The following TMC3 variants were observed in gnomAD, a reference collection of about 807,000 sequenced individuals.
TMC3 encodes transmembrane channel-like protein 3.
Under a neutral mutation model 110.6 loss-of-function variants are expected in TMC3, and 98 were observed. That is an observed-to-expected ratio of 0.89 (90% confidence interval 0.75 to 1.05). TMC3 has a LOEUF of 1.05. Ranked by LOEUF, TMC3 falls within the 50% of genes least tolerant of loss-of-function variation. TMC3 has a pLI of 0.00. For synonymous variants in TMC3, 489 were observed against 513.1 expected (o/e 0.95, Z 0.63); for missense variants, 1,319 against 1,373.2 (o/e 0.96, Z 0.62).
intron 11 of TMC3, among the ~76,000 whole-genome samples, chr15:81,347,088 C>T (rs1474331474): frequency 6.6e-6 from 1 of 152,166 alleles, no homozygotes; most frequent in African/African-American, 2.4e-5. Context: ...ATGTCAGTTT[C>T]CCTAGTGCTG....
rs1454534262 is a variant in TMC3, at chr15:81,333,017, T to C, written c.2705A>G (p.Asn902Ser). Residue 902 changes from asparagine to serine, a missense_variant, in exon 22 of 22, where the codon AAT (asparagine) becomes AGT (serine). Transcript: ENST00000359440. The stretch of plus-strand genomic sequence containing the variant: ...CTTGAAATGTCTTTCTGGCCAGACA[T>C]TTAGATGTTTTTTCTTGTAAGAGTC... ...ECDSYKKKHLNVWPERHFKID... is the reference protein window; with the variant it reads ...ECDSYKKKHLSVWPERHFKID... 2 of 1,613,806 alleles carry C rather than the reference T, an allele frequency of 1.2e-6. No individual in the cohort carries two copies. The highest frequency in any genetic ancestry group is 1.7e-6 in the Non-Finnish European group (2 of 1,179,858).
At chr15:81,337,609 G>C (rs937725481) in intron 19 of TMC3, 13 of 586,206 alleles carry the variant, frequency 2.2e-5, no homozygotes, top group Non-Finnish European at 3.7e-5. Context: ...CAGCTGCAAG[G>C]CCTCTTGAGG....
At chr15:81,366,505 T>C (rs1274725973) in intron 3 of TMC3, among the ~76,000 whole-genome samples, 1 of 152,218 alleles carries the variant, frequency 6.6e-6, no homozygotes, top group Non-Finnish European at 1.5e-5. Flanking sequence ...CCTTTAATAA[T>C]ACTGAGTTTA....
At chr15:81,362,711 A>G (rs994762156) in intron 3 of TMC3, among the ~76,000 whole-genome samples, 5 of 152,210 alleles carry the variant, frequency 3.3e-5, no homozygotes, top group Non-Finnish European at 5.9e-5. Context: ...CACAAGACAC[A>G]GTACAAATTA....
At position 81,338,728 on chromosome 15, in the gene TMC3, GA is replaced by G; in HGVS notation, c.2007del (p.Pro670LeufsTer38). 1.9e-6 allele frequency: 3 copies of G among 1,613,982 alleles called. No homozygotes were observed. The highest frequency in any genetic ancestry group is 2.5e-6 in the Non-Finnish European group (3 of 1,179,878). Reference sequence around the variant, plus strand: ...CCAACCACGGAGCCAAACCACACAGGAAAGTCTTTCTCAATCGTTTCTGACA... The same window carrying G: ...CCAACCACGGAGCCAAACCACACAGGAAGTCTTTCTCAATCGTTTCTGACA... ...DIVSETIEKDFPVWFGSVVGH... is the reference protein window; with the variant it reads ...DIVSETIEKDXPVWFGSVVGH... On this transcript the variant is annotated frameshift_variant, in exon 18 of 22. Transcript: ENST00000359440. LOFTEE classifies it high-confidence loss of function.
At chr15:81,343,227 C>A in intron 15 of TMC3, 51 bp downstream of exon 15, 1 of 1,189,248 alleles carries the variant, frequency 8.4e-7, no homozygotes, top group Non-Finnish European at 1.3e-6. Context: ...AAATTAAAAT[C>A]TTAGCCCAGA....
Position 81,373,988 on chromosome 15 carries a change from C to CCTGAGCAG in TMC3, c.82_89dup (p.Asn31CysfsTer48), listed in dbSNP as rs1476590330. The CCTGAGCAG allele has an allele frequency of 1.9e-6, 3 of 1,613,268 alleles. No individual in the cohort carries two copies. The highest frequency in any genetic ancestry group is 2.5e-6 in the Non-Finnish European group (3 of 1,179,650). ...CCAGCTGATGAATGGGGCCAGCTCA[C>CCTGAGCAG]CTGAGCAGCAGAGATTCCTGGTAGA... is the stretch of plus-strand genomic sequence containing the variant. On this transcript the variant is annotated frameshift_variant and splice_region_variant. Transcript: ENST00000359440. LOFTEE classifies it high-confidence loss of function.
rs775817538 is a variant in TMC3, at chr15:81,351,764, T to C, written c.1013A>G (p.Tyr338Cys). The C allele has an allele frequency of 2.5e-6, 4 of 1,601,538 alleles. No homozygotes were observed. In the Admixed American group the frequency reaches 6.9e-5, roughly 27 times the overall value. Residue 338 changes from tyrosine to cysteine, a missense_variant, in exon 10 of 22, where the codon TAC (tyrosine) becomes TGC (cysteine). Physicochemically the swap from Tyr to Cys is radical, Grantham distance 194. Transcript: ENST00000359440. ...LSLAGSIYLI[Y>C]FVVDRSQKLE... is the part of the protein sequence containing the mutation. The stretch of plus-strand genomic sequence containing the variant: ...CTTCTGGGACCGGTCCACCACAAAG[T>C]AGATGAGATAAATGCTCCCAGCCAG...
rs759824566 is a variant in TMC3, at chr15:81,349,493, G to T, written c.1158C>A (p.Tyr386Ter). The T allele has an allele frequency of 6.4e-7, 1 of 1,556,410 alleles. No individual in the cohort carries two copies. Among genetic ancestry groups the T allele is most frequent in the Middle Eastern group, 1.7e-4 (1 of 5,874 alleles). Residue 386 changes from tyrosine to a stop codon, truncating the protein, a stop_gained, in exon 11 of 22, where the codon TAC becomes TAA. Transcript: ENST00000359440. LOFTEE classifies it high-confidence loss of function. The stretch of plus-strand genomic sequence containing the variant: ...GGAAGCGCAGCGTGGTCCTGGGGTG[G>T]TACATCTCTAAGGCAGCAATGAGGT... ...AFDLIAALEM[Y>*]HPRTTLRFQL...
At position 81,334,894 on chromosome 15, in the gene TMC3, G is replaced by C; in HGVS notation, c.2285C>G (p.Ser762Trp). 1 of 1,614,042 alleles carries C rather than the reference G, an allele frequency of 6.2e-7. No homozygotes were observed. The highest frequency in any genetic ancestry group is 1.3e-5 in the African/African-American group (1 of 75,038). The change falls in exon 21 of 22, where the codon TCG becomes TGG. Residue 762 changes from serine (S) to tryptophan (W), a missense_variant. Physicochemically the swap from Ser to Trp is radical, Grantham distance 177. Transcript: ENST00000359440. ...GTTGCCGTTGTTTTGGGGTGTGCCC[G>C]AGTGCGCTGAGGACAGCTGGCTGGT... is the stretch of plus-strand genomic sequence containing the variant. ...DLTSQLSSAH[S>W]GTPQNNGNVA...
intron 10 of TMC3, among the ~76,000 whole-genome samples, chr15:81,350,847 C>T (rs1003236184): frequency 6.6e-6 from 1 of 152,198 alleles, no homozygotes; most frequent in Admixed American, 6.5e-5. Flanking sequence ...TGTTCATAAC[C>T]GTTCACTTGG....
At chr15:81,361,308 C>T (rs956597424) in intron 4 of TMC3, among the ~76,000 whole-genome samples, 2 of 152,130 alleles carry the variant, frequency 1.3e-5, no homozygotes, top group Non-Finnish European at 2.9e-5. Context: ...CTCTTTAAAA[C>T]AATTGAATCA....
intron 12 of TMC3, among the ~76,000 whole-genome samples, chr15:81,346,105 A>G (rs1197760830): frequency 6.6e-6 from 1 of 152,128 alleles, no homozygotes; most frequent in African/African-American, 2.4e-5. Flanking sequence ...GTATGATACA[A>G]AGAGTCAAAA....
At chr15:81,339,316 G>C in intron 17 of TMC3, 78 bp downstream of exon 17, 1 of 1,089,282 alleles carries the variant, frequency 9.2e-7, no homozygotes, top group Non-Finnish European at 1.4e-6. Context: ...TGTGAGCTTG[G>C]AGGAGAATTC....
chr15:81,368,196 G>T (rs1028132514), intron 3 of TMC3, 57 bp downstream of exon 3: 2 of 1,318,330 alleles, frequency 1.5e-6, no homozygotes, highest in Non-Finnish European at 1.1e-6. Flanking sequence ...GCCTCCCAAA[G>T]CACTGGGATT....
chr15:81,346,480 T>A, intron 11 of TMC3, 37 bp from the exon 12 acceptor site: 3 of 1,598,724 alleles, frequency 1.9e-6, no homozygotes, highest in Non-Finnish European at 8.6e-7. Flanking sequence ...AACAAGACCA[T>A]GGCATAGAAG....
Position 81,359,309 on chromosome 15 carries a change from C to T in TMC3, c.501+56G>A, listed in dbSNP as rs1332953152. Reference sequence around the variant, plus strand: ...TGATAACCAGAGGAGCCATTTTATGCGACTGCTGTAATGTCTCCTCTTTGT... The same window carrying T: ...TGATAACCAGAGGAGCCATTTTATGTGACTGCTGTAATGTCTCCTCTTTGT... On this transcript the variant is annotated intron_variant, in intron 5 of 21. Transcript: ENST00000359440. 1.4e-5 allele frequency: 18 copies of T among 1,276,222 alleles called. No individual in the cohort carries two copies. In the East Asian group the frequency reaches 3.0e-4, roughly 21 times the overall value. The allele number at this position is 1,276,222 out of a possible 1,614,324, so 79.1% of individuals were successfully genotyped here. A position where few individuals can be genotyped will look rare whatever the true frequency, so the allele number is the denominator to read the frequency against.
At chr15:81,364,936 CA>C (rs1894277117) in intron 3 of TMC3, among the ~76,000 whole-genome samples, 1 of 150,458 alleles carries the variant, frequency 6.6e-6, no homozygotes. Flanking sequence ...TGCCATAAAC[CA>C]GGGGCCTATA....
rs765092075 is a variant in TMC3 at position 81,332,734 on chromosome 15, C to T, written c.2988G>A (p.Trp996Ter). The part of the protein sequence containing the change: ...EHQGRVHYKS[W>*]NEDFEGHLER... Reference sequence around the variant, plus strand: ...CAAGGTGACCCTCAAAATCTTCATTCCACGACTTGTAGTGCACCCTCCCCT... The same window carrying T: ...CAAGGTGACCCTCAAAATCTTCATTTCACGACTTGTAGTGCACCCTCCCCT... The change falls in exon 22 of 22, where the codon TGG (tryptophan) becomes TGA (stop). Residue 996 changes from tryptophan (W) to a stop codon, truncating the protein, a stop_gained. Transcript: ENST00000359440. LOFTEE classifies it low-confidence loss of function (END_TRUNC). 2 of 1,613,726 alleles carry T rather than the reference C, an allele frequency of 1.2e-6. No individual in the cohort carries two copies. The highest frequency in any genetic ancestry group is 8.5e-7 in the Non-Finnish European group (1 of 1,179,816).
Sources: gnomAD v4.1 joint callset for allele counts (sites outside exome capture counted in the v4.1 genomes callset) on GRCh38, gnomAD v4.1.1 for gene constraint, MANE v1.5 for transcripts, NCBI Gene and HGNC (gene_info 2026-07-23, HGNC 2026-07-21) for gene names.